The following ZNF695 variants were observed in gnomAD, a reference collection of about 807,000 sequenced individuals.
The protein encoded by ZNF695 is zinc finger protein 695.
Under a neutral mutation model 11.2 loss-of-function variants are expected in ZNF695, and 11 were observed. That is an observed-to-expected ratio of 0.98 (90% CI 0.62 to 1.62). ZNF695 has a LOEUF of 1.62. ZNF695 is among the 40% of genes most tolerant of loss of function. The pLI, the probability that ZNF695 is intolerant of heterozygous loss-of-function variation, is 0.00. For synonymous variants in ZNF695, 190 were observed against 201.4 expected (o/e 0.94, Z 0.48); for missense variants, 559 against 590.5 (o/e 0.95, Z 0.55).
intron 4 of ZNF695, among the ~76,000 whole-genome samples, chr1:246,972,404 C>T (rs184288447): frequency 1.5e-3 from 228 of 152,294 alleles, no homozygotes; most frequent in African/African-American, 5.1e-3. Flanking sequence ...TAAGTTTCTG[C>T]GTTGTTATGA....
intron 3 of ZNF695, among the ~76,000 whole-genome samples, chr1:246,993,871 A>G (rs1669115299): frequency 6.6e-6 from 1 of 152,224 alleles, no homozygotes; most frequent in South Asian, 2.1e-4. Flanking sequence ...CAGTAGACCT[A>G]TACTCAAGAA....
intron 4 of ZNF695, among the ~76,000 whole-genome samples, chr1:246,976,655 A>G (rs113050097): frequency 0.039 from 5,889 of 150,968 alleles, 184 homozygotes; most frequent in African/African-American, 0.082. Flanking sequence ...TTAGCCAGGC[A>G]TGGTGGCGGG....
At chr1:246,958,539 G>A (rs1034040299) in intron 5 of ZNF695, among the ~76,000 whole-genome samples, 2 of 152,128 alleles carry the variant, frequency 1.3e-5, no homozygotes, top group African/African-American at 4.8e-5. Context: ...GACAGGTCTA[G>A]TGAGGAATTC....
chr1:246,947,142 A>ATC (rs1301932455), intron 5 of ZNF695, among the ~76,000 whole-genome samples: 2 of 149,564 alleles, frequency 1.3e-5, no homozygotes, highest in Admixed American at 6.7e-5. Context: ...TCCGTCAAAA[A>ATC]AAAAAAAAAA....
At chr1:246,968,508 A>G (rs565548946) in intron 4 of ZNF695, 8 of 152,414 alleles carry the variant, frequency 5.2e-5, no homozygotes, top group Admixed American at 5.2e-4. Flanking sequence ...TGGAGCTACC[A>G]TTCTGGGGTG....
intron 3 of ZNF695, among the ~76,000 whole-genome samples, chr1:246,998,567 A>G (rs1171435202): frequency 6.6e-6 from 1 of 152,238 alleles, no homozygotes; most frequent in African/African-American, 2.4e-5. Context: ...GGTAAGTCAT[A>G]AAGGAGAAAA....
chr1:246,999,581 T>C, intron 2 of ZNF695, 141 bp from the exon 3 acceptor site: 1 of 683,358 alleles, frequency 1.5e-6, no homozygotes, highest in Non-Finnish European at 2.4e-6. Flanking sequence ...GAACCTTTAA[T>C]ATATGTAGGA....
intron 1 of ZNF695, among the ~76,000 whole-genome samples, chr1:247,004,404 T>A (rs906048418): frequency 4.7e-5 from 7 of 147,908 alleles, no homozygotes; most frequent in African/African-American, 1.2e-4. Context: ...TTCATTGATT[T>A]AAAAAAAAAA....
At chr1:246,991,937 T>G (rs1669048916) in intron 3 of ZNF695, among the ~76,000 whole-genome samples, 1 of 152,222 alleles carries the variant, frequency 6.6e-6, no homozygotes, top group South Asian at 2.1e-4. Context: ...GGCTCATAAC[T>G]GTAATCCCAG....
chr1:246,992,110 G>A (rs925584305), intron 3 of ZNF695, among the ~76,000 whole-genome samples: 3 of 151,966 alleles, frequency 2.0e-5, no homozygotes, highest in Non-Finnish European at 4.4e-5. Context: ...CTTGCAGTGA[G>A]CCGAGATCGC....
rs535899412 is a variant in ZNF695 at position 246,992,231 on chromosome 1, T to C, written c.260-3976A>G. 2.6e-5 allele frequency among the ~76,000 whole-genome samples: 4 copies of C among 152,090 alleles called. No homozygotes were observed. In the East Asian group the frequency reaches 7.7e-4, roughly 29 times the overall value. ...TATTCAGCCTTAAGAAAGGATGAGATCCTGTCATTTGCAACAACATAGATG... is the reference window on the plus strand; with the variant it reads ...TATTCAGCCTTAAGAAAGGATGAGACCCTGTCATTTGCAACAACATAGATG... On this transcript the variant is annotated intron_variant, in intron 3 of 3. Transcript: ENST00000339986.
At chr1:246,961,351 G>A (rs533612071) in intron 5 of ZNF695, among the ~76,000 whole-genome samples, 39 of 152,112 alleles carry the variant, frequency 2.6e-4, no homozygotes, top group Non-Finnish European at 5.1e-4. Context: ...TCATGTGCAC[G>A]TAGATACTCG....
chr1:247,004,415 C>A (rs1314835714), intron 1 of ZNF695, among the ~76,000 whole-genome samples: 4 of 150,832 alleles, frequency 2.7e-5, no homozygotes, highest in African/African-American at 7.3e-5. Context: ...AAAAAAAAAA[C>A]CCTCGAAAAA....
intron 5 of ZNF695, among the ~76,000 whole-genome samples, chr1:246,963,896 T>C (rs1020032282): frequency 2.6e-5 from 4 of 152,238 alleles, no homozygotes; most frequent in Non-Finnish European, 5.9e-5. Context: ...AGCCCCAGGC[T>C]GTGACCCGTG....
chr1:246,987,247 AG>A lies in ZNF695; in HGVS notation c.1267del (p.Thr424LeufsTer104). The A allele has an allele frequency of 6.2e-7, 1 of 1,614,010 alleles. No individual in the cohort carries two copies. The highest frequency in any genetic ancestry group is 1.1e-5 in the South Asian group (1 of 91,080). On this transcript the variant is annotated frameshift_variant, in exon 4 of 4. Coordinates refer to ENST00000339986, the MANE Select transcript of ZNF695 (RefSeq NM_020394.5). LOFTEE classifies it low-confidence loss of function (END_TRUNC). ...AGTATGAATTCTCTTATGTTGAGTA[AG>A]GTATGAAAACCAGGTAAAAGCTTTG... ...CGKAFTWFSYLTQHKRIHTGE... is the reference protein window; with the variant it reads ...CGKAFTWFSYXTQHKRIHTGE...
intron 1 of ZNF695, among the ~76,000 whole-genome samples, chr1:247,007,292 T>G (rs908624946): frequency 1.3e-5 from 2 of 150,660 alleles, no homozygotes; most frequent in Non-Finnish European, 3.0e-5. Context: ...GATCACGAGG[T>G]CAAGAGATCG....
intron 1 of ZNF695, among the ~76,000 whole-genome samples, chr1:247,004,390 A>G (rs1202693498): frequency 6.6e-6 from 1 of 152,186 alleles, no homozygotes; most frequent in African/African-American, 2.4e-5. Flanking sequence ...AAAATTCAAC[A>G]TCCTTCATTG....
intron 3 of ZNF695, among the ~76,000 whole-genome samples, chr1:246,992,147 G>C (rs567403495): frequency 3.4e-4 from 51 of 150,396 alleles, no homozygotes; most frequent in African/African-American, 1.1e-3. Context: ...CTGGGTGACA[G>C]AGCGAGACTC....
intron 5 of ZNF695, among the ~76,000 whole-genome samples, chr1:246,950,177 CTGCTTT>C (rs1667837725): frequency 6.6e-6 from 1 of 152,160 alleles, no homozygotes; most frequent in Admixed American, 6.5e-5. Flanking sequence ...TGGTTGCCTC[CTGCTTT>C]TGCTTAGTTT....
Sources: allele counts gnomAD v4.1 joint callset (sites outside exome capture counted in the v4.1 genomes callset), GRCh38; gene constraint gnomAD v4.1.1; transcripts MANE v1.5; gene names NCBI Gene and HGNC (gene_info 2026-07-23, HGNC 2026-07-21).